The following IQCM variants were observed in gnomAD, a reference collection of about 807,000 sequenced individuals.
IQCM encodes IQ motif containing M.
A neutral mutation model predicts 57.6 loss-of-function variants in IQCM; 45 were observed. The observed-to-expected ratio is 0.78, with a 90% confidence interval of 0.62 to 1.00. IQCM has a LOEUF of 1.00. Among genes scored for constraint, IQCM ranks in the 50% least tolerant of loss-of-function variants. IQCM has a pLI of 0.00. For synonymous variants in IQCM, 148 were observed against 158.9 expected, an observed-to-expected ratio of 0.93 and a Z score of 0.51; for missense variants, 468 against 511.6, an observed-to-expected ratio of 0.91 and a Z score of 0.82.
chr4:149,756,822 G>C (rs1330815068), intron 2 of IQCM, among the ~76,000 whole-genome samples: 2 of 152,068 alleles, frequency 1.3e-5, no homozygotes, highest in African/African-American at 4.8e-5. Flanking sequence ...AATAGACTGA[G>C]CAACGTTTAA....
chr4:149,538,964 A>C (rs1035871845), intron 12 of IQCM, among the ~76,000 whole-genome samples: 2 of 152,056 alleles, frequency 1.3e-5, no homozygotes, highest in African/African-American at 4.8e-5. Context: ...TTAATAATTT[A>C]ATAATAAGAA....
chr4:149,799,402 A>C (rs1359408061), intron 2 of IQCM, among the ~76,000 whole-genome samples: 1 of 151,790 alleles, frequency 6.6e-6, no homozygotes, highest in Non-Finnish European at 1.5e-5. Flanking sequence ...GAAAAACTTC[A>C]GATAATCTAA....
rs1043975151 is a variant in IQCM, at chr4:149,384,223, C to G, written c.1391-32157G>C. Among the ~76,000 whole-genome samples the G allele has an allele frequency of 1.5e-4, 23 of 150,568 alleles. 1 individual carries two copies. Among genetic ancestry groups the G allele is most frequent in the African/African-American group, 5.2e-4 (21 of 40,742 alleles). On this transcript the variant is annotated intron_variant, in intron 13 of 13. Transcript: ENST00000636793. ...CTGAAAGGGATCAGAAGAGGCCACC[C>G]CAAAACATGTTACTTTGGCATAAGA... is the stretch of plus-strand genomic sequence containing the variant.
At chr4:149,408,578 G>A (rs773747790) in intron 13 of IQCM, among the ~76,000 whole-genome samples, 1 of 152,108 alleles carries the variant, frequency 6.6e-6, no homozygotes, top group Admixed American at 6.5e-5. Context: ...ACAACAGGAG[G>A]TGAGTCTTAA....
At chr4:149,586,373 C>G (rs1221872634) in intron 9 of IQCM, among the ~76,000 whole-genome samples, 3 of 151,544 alleles carry the variant, frequency 2.0e-5, no homozygotes, top group African/African-American at 7.3e-5. Context: ...ACTACTTCCT[C>G]TTAAATGCAA....
intron 5 of IQCM, among the ~76,000 whole-genome samples, chr4:149,699,333 T>C (rs1050234258): frequency 3.9e-5 from 6 of 152,084 alleles, no homozygotes; most frequent in Admixed American, 3.3e-4. Flanking sequence ...ACCAATTATC[T>C]ACTAGTGAGA....
In IQCM at chr4:149,686,478, T is replaced by C. The variant is rs1762554454; in HGVS notation, c.386-10A>G. The C allele has an allele frequency of 8.5e-7, 1 of 1,183,144 alleles. No individual in the cohort carries two copies. Among genetic ancestry groups the C allele is most frequent in the Non-Finnish European group, 1.1e-6 (1 of 943,970 alleles). 73.3% of individuals were successfully genotyped at this position (1,183,144 alleles called of 1,614,324 possible). The stretch of plus-strand genomic sequence containing the variant: ...TCCAATTTAACTTGTCCTGAAATTT[T>C]GTTAAAGTTTTAATTGCATACTATT... On this transcript the variant is annotated splice_polypyrimidine_tract_variant and intron_variant, in intron 5 of 13. Transcript: ENST00000636793.
At chr4:149,692,747 C>A (rs1763032789) in intron 5 of IQCM, among the ~76,000 whole-genome samples, 1 of 151,920 alleles carries the variant, frequency 6.6e-6, no homozygotes, top group African/African-American at 2.4e-5. Flanking sequence ...GACTTTAGGC[C>A]AATTATAACA....
At chr4:149,497,460 T>C (rs1213976052) in intron 12 of IQCM, among the ~76,000 whole-genome samples, 1 of 152,058 alleles carries the variant, frequency 6.6e-6, no homozygotes, top group Non-Finnish European at 1.5e-5. Flanking sequence ...CTCACAATCA[T>C]GGCAGAAGGC....
At chr4:149,687,986 C>T (rs1243375726) in intron 5 of IQCM, among the ~76,000 whole-genome samples, 3 of 151,842 alleles carry the variant, frequency 2.0e-5, no homozygotes, top group Non-Finnish European at 2.9e-5. Flanking sequence ...AACCCACAGC[C>T]GACATAATAC....
intron 12 of IQCM, among the ~76,000 whole-genome samples, chr4:149,441,089 A>G (rs1432952477): frequency 6.6e-6 from 1 of 152,182 alleles, no homozygotes; most frequent in East Asian, 1.9e-4. Context: ...CCTCTCCCAC[A>G]ATGCCAAGAT....
chr4:149,429,762 A>G (rs2111252644), intron 13 of IQCM, among the ~76,000 whole-genome samples: 1 of 152,082 alleles, frequency 6.6e-6, no homozygotes, highest in South Asian at 2.1e-4. Context: ...CCTCTGTAAT[A>G]GACTAATCTT....
In IQCM at chr4:149,799,756, A is replaced by G. The variant is rs528121985; in HGVS notation, c.-49+15555T>C. Among the ~76,000 whole-genome samples, 14 of 151,874 alleles carry G rather than the reference A, an allele frequency of 9.2e-5. No individual in the cohort carries two copies. The South Asian group carries it at 1.2e-3, about 13-fold the overall frequency. On this transcript the variant is annotated intron_variant, in intron 2 of 13. Coordinates refer to ENST00000636793, the MANE Select transcript of IQCM (RefSeq NM_001363507.2). ...AAATGGACAGATTCCAAGACACATA[A>G]AACCTACTAAGAATGAATCAAGAGG...
At chr4:149,371,484 G>A (rs528615946) in intron 13 of IQCM, among the ~76,000 whole-genome samples, 2 of 152,228 alleles carry the variant, frequency 1.3e-5, no homozygotes, top group African/African-American at 4.8e-5. Context: ...AGGCACAACT[G>A]CCGTGTTTCT....
intron 2 of IQCM, among the ~76,000 whole-genome samples, chr4:149,805,596 A>G (rs989709626): frequency 6.6e-6 from 1 of 152,054 alleles, no homozygotes; most frequent in South Asian, 2.1e-4. Context: ...TAAGGCTTTT[A>G]AAACAACTTT....
intron 5 of IQCM, among the ~76,000 whole-genome samples, chr4:149,694,261 G>A (rs1763159774): frequency 9.0e-6 from 1 of 110,600 alleles, no homozygotes; most frequent in African/African-American, 3.6e-5. Flanking sequence ...GTCTCGCTCT[G>A]TCGCCCAGGC....
intron 5 of IQCM, among the ~76,000 whole-genome samples, chr4:149,721,917 A>G (rs1426767495): frequency 1.3e-5 from 2 of 152,148 alleles, no homozygotes; most frequent in Non-Finnish European, 2.9e-5. Flanking sequence ...CCAGCAGCAC[A>G]TAAGCATTCC....
rs181385760 is a variant in IQCM at position 149,733,388 on chromosome 4, G to A, written c.241C>T (p.Arg81Trp). 2.0e-4 allele frequency: 242 copies of A among 1,231,772 alleles called. 1 individual carries two copies. Among genetic ancestry groups the A allele is most frequent in the East Asian group, 7.9e-4 (25 of 31,680 alleles). 76.3% of individuals were successfully genotyped at this position (1,231,772 alleles called of 1,614,324 possible). The change falls in exon 5 of 14, where the codon CGG (arginine) becomes TGG (tryptophan). Residue 81 changes from arginine (R) to tryptophan (W), a missense_variant. Transcript: ENST00000636793. ...AAGCAAATCCTTCTGAGTGCGGCCC[G>A]ATGTTCTTGCACCACATCACGTGTT... ...KVTRDVVQEHRAALRRICFPK... is the reference protein window; with the variant it reads ...KVTRDVVQEHWAALRRICFPK...
chr4:149,570,735 A>G (rs1751074448), intron 9 of IQCM, among the ~76,000 whole-genome samples: 1 of 152,244 alleles, frequency 6.6e-6, no homozygotes, highest in East Asian at 1.9e-4. Flanking sequence ...AAAAGCATCC[A>G]TGTTTTAATC....
Sources: gnomAD v4.1 joint callset for allele counts (sites outside exome capture counted in the v4.1 genomes callset) on GRCh38, gnomAD v4.1.1 for gene constraint, MANE v1.5 for transcripts, NCBI Gene and HGNC (gene_info 2026-07-23, HGNC 2026-07-21) for gene names.